The following KLHL32 variants were observed in gnomAD, a reference collection of about 807,000 sequenced individuals.
KLHL32 encodes the protein kelch like family member 32, also known as kelch-like protein 32.
In KLHL32, 35 loss-of-function variants were observed where a neutral mutation model predicts 64.8. The observed-to-expected ratio is 0.54, with a 90% CI of 0.41 to 0.72. The LOEUF (loss-of-function observed/expected upper bound fraction) is 0.72. Ranked by LOEUF, KLHL32 falls within the 30% of genes least tolerant of loss-of-function variation. KLHL32 has a pLI of 0.00. For synonymous variants in KLHL32, 259 were observed against 281.0 expected, an observed-to-expected ratio of 0.92 and a Z score of 0.78; for missense variants, 589 against 768.5, an observed-to-expected ratio of 0.77 and a Z score of 2.76.
At chr6:96,981,024 G>A (rs1582565460) in intron 3 of KLHL32, among the ~76,000 whole-genome samples, 1 of 148,384 alleles carries the variant, frequency 6.7e-6, no homozygotes, top group African/African-American at 2.5e-5. Context: ...GCAGGCGGGG[G>A]AAAAGCCCCT....
chr6:97,067,145 A>G (rs755771952), intron 5 of KLHL32, among the ~76,000 whole-genome samples: 1 of 152,220 alleles, frequency 6.6e-6, no homozygotes, highest in Non-Finnish European at 1.5e-5. Flanking sequence ...AGCAGCTCCA[A>G]GGGAAACCGT....
At chr6:96,975,855 A>G (rs1582545222) in intron 2 of KLHL32, 142 bp from the exon 3 acceptor site, 2 of 487,658 alleles carry the variant, frequency 4.1e-6, no homozygotes, top group East Asian at 3.4e-5. Context: ...GTGGAGAGAA[A>G]GAAAATGAGG....
chr6:97,122,581 CAGGTTGTTCTTT>C (rs1798476452), intron 7 of KLHL32, among the ~76,000 whole-genome samples: 1 of 152,072 alleles, frequency 6.6e-6, no homozygotes, highest in Non-Finnish European at 1.5e-5. Flanking sequence ...CACTTAATGG[CAGGTTGTTCTTT>C]AGGTAATTAA....
chr6:97,003,342 GTTAT>G (rs1779269824), intron 3 of KLHL32, among the ~76,000 whole-genome samples: 1 of 144,750 alleles, frequency 6.9e-6, no homozygotes, highest in Admixed American at 7.2e-5. Flanking sequence ...TTTTAATGGG[GTTAT>G]TTGTTTTTTG....
intron 3 of KLHL32, among the ~76,000 whole-genome samples, chr6:97,012,876 T>C (rs913175674): frequency 1.3e-5 from 2 of 152,180 alleles, no homozygotes; most frequent in African/African-American, 4.8e-5. Context: ...TGTAGAAAAC[T>C]TTATTATTAT....
chr6:96,941,938 T>A lies in KLHL32; in HGVS notation c.-66+16912T>A, dbSNP rs116839582. Among the ~76,000 whole-genome samples, 1,372 of 152,318 alleles carry A rather than the reference T, an allele frequency of 9.0e-3. 20 individuals are homozygous for A. Among genetic ancestry groups the A allele is most frequent in the African/African-American group, 0.03 (1,244 of 41,546 alleles). On this transcript the variant is annotated intron_variant, in intron 1 of 10. Transcript: ENST00000369261. ...AGAATCAAATAAATGGTCCAGATCCTTATTCCTATGCAAAATGCATGTATG... is the reference window on the plus strand; with the variant it reads ...AGAATCAAATAAATGGTCCAGATCCATATTCCTATGCAAAATGCATGTATG...
chr6:97,107,405 TA>T (rs754404997), intron 6 of KLHL32, among the ~76,000 whole-genome samples: 2 of 150,438 alleles, frequency 1.3e-5, no homozygotes, highest in Non-Finnish European at 2.9e-5. Flanking sequence ...ATACATGGTA[TA>T]AGTTAAAAAC....
chr6:97,040,648 G>A (rs183309326), intron 3 of KLHL32, among the ~76,000 whole-genome samples: 10 of 152,228 alleles, frequency 6.6e-5, no homozygotes, highest in Admixed American at 1.3e-4. Context: ...CAACTGAAAC[G>A]GAGTGTGTGA....
intron 10 of KLHL32, among the ~76,000 whole-genome samples, chr6:97,134,125 T>C (rs1206142): frequency 0.45 from 68,586 of 151,870 alleles, 15,630 homozygotes; most frequent in South Asian, 0.51. Flanking sequence ...AAAAACAATA[T>C]ACAGCAAAGC....
intron 6 of KLHL32, among the ~76,000 whole-genome samples, chr6:97,103,725 C>T (rs1796051840): frequency 6.6e-6 from 1 of 152,144 alleles, no homozygotes; most frequent in Non-Finnish European, 1.5e-5. Flanking sequence ...TTCATACATG[C>T]AAACATTCAC....
chr6:96,973,196 G>A (rs565120682), intron 2 of KLHL32, among the ~76,000 whole-genome samples: 1 of 152,268 alleles, frequency 6.6e-6, no homozygotes, highest in South Asian at 2.1e-4. Flanking sequence ...GTGAAATTGT[G>A]CAGCATCACT....
the KLHL32 span, among the ~76,000 whole-genome samples, chr6:96,907,176 A>T: frequency 1.3e-5 from 2 of 152,218 alleles, no homozygotes; most frequent in African/African-American, 4.8e-5. Context: ...ATAACTTTTG[A>T]TTATGAAAAT....
chr6:97,108,558 C>T (rs756755591), intron 6 of KLHL32, among the ~76,000 whole-genome samples: 1 of 152,046 alleles, frequency 6.6e-6, no homozygotes, highest in Non-Finnish European at 1.5e-5. Context: ...TTTGAAGTGG[C>T]CCATTGTTTT....
At chr6:97,136,437 CTTG>C (rs898556193) in intron 10 of KLHL32, among the ~76,000 whole-genome samples, 2 of 152,178 alleles carry the variant, frequency 1.3e-5, no homozygotes, top group African/African-American at 4.8e-5. Context: ...GAGATTTGGA[CTTG>C]TTAGTAATAA....
At chr6:96,968,042 G>T (rs1468642864) in intron 2 of KLHL32, among the ~76,000 whole-genome samples, 1 of 152,180 alleles carries the variant, frequency 6.6e-6, no homozygotes, top group African/African-American at 2.4e-5. Context: ...TTTTTCTTAA[G>T]AATTGGGTGT....
intron 3 of KLHL32, among the ~76,000 whole-genome samples, chr6:97,034,523 AT>A (rs987410098): frequency 5.3e-5 from 8 of 150,322 alleles, no homozygotes; most frequent in South Asian, 2.1e-4. Context: ...TGATTTTAGC[AT>A]TTTTTTTTCT....
chr6:97,130,864 T>C lies in KLHL32; in HGVS notation c.1521T>C (p.Asn507=), dbSNP rs1220279453. 1.2e-6 allele frequency: 2 copies of C among 1,614,018 alleles called. No homozygotes were observed. Among genetic ancestry groups the C allele is most frequent in the African/African-American group, 2.7e-5 (2 of 74,942 alleles). Residue 507 remains asparagine (N), a synonymous_variant, in exon 9 of 11, where the codon AAT becomes AAC. Transcript: ENST00000369261. ...YVLGGNDLDY[N]NDRILVRHID... Reference sequence around the variant, plus strand: ...TTGGAGGCAATGACCTAGACTACAATAATGACCGGATCCTTGTGCGCCATA... The same window carrying C: ...TTGGAGGCAATGACCTAGACTACAACAATGACCGGATCCTTGTGCGCCATA...
At chr6:96,986,641 G>A (rs777116981) in intron 3 of KLHL32, among the ~76,000 whole-genome samples, 23 of 152,318 alleles carry the variant, frequency 1.5e-4, no homozygotes, top group South Asian at 4.1e-4. Flanking sequence ...AGCAATGAGC[G>A]AGGCTTCGTG....
chr6:97,081,915 T>C (rs1170739680), intron 5 of KLHL32, among the ~76,000 whole-genome samples: 1 of 152,070 alleles, frequency 6.6e-6, no homozygotes, highest in Non-Finnish European at 1.5e-5. Flanking sequence ...CAAGCCAGGG[T>C]GGATAGGGTT....
Sources: gnomAD v4.1 joint callset for allele counts (sites outside exome capture counted in the v4.1 genomes callset) on GRCh38, gnomAD v4.1.1 for gene constraint, MANE v1.5 for transcripts, NCBI Gene and HGNC (gene_info 2026-07-23, HGNC 2026-07-21) for gene names.